The following TBC1D22A variants were observed in gnomAD, a reference collection of about 807,000 sequenced individuals.
TBC1D22A encodes TBC1 domain family member 22A, also known as putative GTPase activator.
A neutral mutation model predicts 60.2 loss-of-function variants in TBC1D22A; 38 were observed. The ratio of observed to expected loss-of-function variants is 0.63; its 90% confidence interval spans 0.49 to 0.83. The LOEUF (loss-of-function observed/expected upper bound fraction) is 0.83. Among genes scored for constraint, TBC1D22A ranks in the 40% least tolerant of loss-of-function variants. The probability of loss-of-function intolerance (pLI) is 0.00; values close to 1 mark genes in which losing one functional copy is unlikely to be tolerated. For synonymous variants in TBC1D22A, 302 were observed against 281.7 expected, an observed-to-expected ratio of 1.07 and a Z score of -0.72; for missense variants, 628 against 701.0, an observed-to-expected ratio of 0.90 and a Z score of 1.18.
At chr22:47,139,489 G>A (rs912927424) in intron 12 of TBC1D22A, among the ~76,000 whole-genome samples, 1 of 152,198 alleles carries the variant, frequency 6.6e-6, no homozygotes, top group Non-Finnish European at 1.5e-5. Flanking sequence ...AAGGGGCTCT[G>A]GTCTCCACCC....
intron 7 of TBC1D22A, among the ~76,000 whole-genome samples, chr22:46,903,494 C>T (rs575888349): frequency 6.6e-6 from 1 of 152,302 alleles, no homozygotes; most frequent in African/African-American, 2.4e-5. Flanking sequence ...TCCTGTTTCG[C>T]TTCAGTGGAC....
chr22:46,803,271 C>G lies in TBC1D22A; in HGVS notation c.637+5651C>G, dbSNP rs568372385. Among the ~76,000 whole-genome samples, 827 of 152,298 alleles carry G rather than the reference C, an allele frequency of 5.4e-3. 8 individuals are homozygous for G. Among genetic ancestry groups the G allele is most frequent in the African/African-American group, 0.018 (764 of 41,572 alleles). ...GTTAAACAGGCGGCTGCCCTCCAGC[C>G]CCACAGTGAGGGCAGAGCTGGCTGG... On this transcript the variant is annotated intron_variant, in intron 4 of 12. Coordinates refer to ENST00000337137, the MANE Select transcript of TBC1D22A (RefSeq NM_014346.5).
chr22:46,915,637 G>A, intron 8 of TBC1D22A: 1 of 456,648 alleles, frequency 2.2e-6, no homozygotes, highest in Non-Finnish European at 4.4e-6. Context: ...GTTAATCAAA[G>A]GTTTAAGAAA....
intron 10 of TBC1D22A, among the ~76,000 whole-genome samples, chr22:47,027,466 C>T (rs2062295583): frequency 6.6e-6 from 1 of 152,112 alleles, no homozygotes; most frequent in South Asian, 2.1e-4. Flanking sequence ...TTTCGGGGTC[C>T]TTTATCCTTC....
intron 12 of TBC1D22A, among the ~76,000 whole-genome samples, chr22:47,153,908 C>T (rs1430532148): frequency 2.0e-5 from 3 of 152,058 alleles, no homozygotes; most frequent in Non-Finnish European, 4.4e-5. Context: ...GTGGACAGAG[C>T]CTGTGGGAGG....
chr22:46,929,183 G>A (rs898688552), intron 8 of TBC1D22A, among the ~76,000 whole-genome samples: 3 of 152,168 alleles, frequency 2.0e-5, no homozygotes, highest in African/African-American at 7.2e-5. Context: ...GCTTCCTATC[G>A]ACAAACATTG....
At chr22:46,929,933 C>G (rs1246093718) in intron 8 of TBC1D22A, among the ~76,000 whole-genome samples, 1 of 152,136 alleles carries the variant, frequency 6.6e-6, no homozygotes, top group Non-Finnish European at 1.5e-5. Context: ...GTGTGGACCC[C>G]TTTGGGAGGC....
chr22:46,870,839 C>T (rs1054862327), intron 4 of TBC1D22A, among the ~76,000 whole-genome samples: 1 of 152,108 alleles, frequency 6.6e-6, no homozygotes, highest in African/African-American at 2.4e-5. Context: ...GACCTTAATC[C>T]AGTCATGAGG....
chr22:47,014,979 C>A (rs2061861940), intron 10 of TBC1D22A, among the ~76,000 whole-genome samples: 1 of 152,222 alleles, frequency 6.6e-6, no homozygotes, highest in African/African-American at 2.4e-5. Flanking sequence ...TGGCCCTGTC[C>A]TCCCTGGCAC....
intron 12 of TBC1D22A, among the ~76,000 whole-genome samples, chr22:47,145,960 G>A (rs991947928): frequency 1.3e-5 from 2 of 151,000 alleles, no homozygotes; most frequent in African/African-American, 2.4e-5. Flanking sequence ...TGGGGGCTGC[G>A]GCACGGGGAT....
chr22:46,956,049 G>A (rs2073170745), intron 8 of TBC1D22A, among the ~76,000 whole-genome samples: 1 of 151,922 alleles, frequency 6.6e-6, no homozygotes, highest in Non-Finnish European at 1.5e-5. Flanking sequence ...AAATGATCAG[G>A]GTATAAATAA....
At chr22:47,076,361 GTATATATA>G (rs769322904) in intron 11 of TBC1D22A, among the ~76,000 whole-genome samples, 12 of 101,938 alleles carry the variant, frequency 1.2e-4, no homozygotes, top group Admixed American at 3.3e-4. Context: ...ATATGTGTGT[GTATATATA>G]TATATATATA....
chr22:47,039,935 CTTTTTTTTTTTTTT>C (rs570751261), intron 11 of TBC1D22A, among the ~76,000 whole-genome samples: 4 of 77,284 alleles, frequency 5.2e-5, no homozygotes, highest in Non-Finnish European at 9.4e-5. Flanking sequence ...GTGCCACAGC[CTTTTTTTTTTTTTT>C]TTTTTTTTTT....
chr22:47,020,036 C>T (rs1035012923), intron 10 of TBC1D22A, among the ~76,000 whole-genome samples: 1 of 151,940 alleles, frequency 6.6e-6, no homozygotes, highest in Non-Finnish European at 1.5e-5. Context: ...CTTGATCCAT[C>T]CCCCCACCCA....
At chr22:46,968,713 A>G (rs192379702) in intron 8 of TBC1D22A, among the ~76,000 whole-genome samples, 164 of 152,288 alleles carry the variant, frequency 1.1e-3, no homozygotes, top group African/African-American at 3.8e-3. Flanking sequence ...TAGCCCATCC[A>G]TCCCACTGTT....
chr22:47,035,745 T>C (rs1010069722), intron 10 of TBC1D22A, among the ~76,000 whole-genome samples: 1 of 152,134 alleles, frequency 6.6e-6, no homozygotes, highest in Non-Finnish European at 1.5e-5. Context: ...GCCAGCTTAG[T>C]GGAGCCTGCT....
intron 11 of TBC1D22A, among the ~76,000 whole-genome samples, chr22:47,060,419 T>C (rs1044065329): frequency 5.3e-5 from 8 of 151,706 alleles, no homozygotes; most frequent in South Asian, 2.1e-4. Flanking sequence ...TTCGTTGTTT[T>C]TTGTTGTTGT....
chr22:46,861,856 C>G (rs1166968801), intron 4 of TBC1D22A, among the ~76,000 whole-genome samples: 1 of 152,260 alleles, frequency 6.6e-6, no homozygotes, highest in Non-Finnish European at 1.5e-5. Flanking sequence ...CAGTTTGACT[C>G]TGACTTTTCA....
intron 11 of TBC1D22A, among the ~76,000 whole-genome samples, chr22:47,048,850 C>T (rs1569386380): frequency 6.6e-6 from 1 of 152,220 alleles, no homozygotes; most frequent in Non-Finnish European, 1.5e-5. Context: ...TTGGACATCG[C>T]AGCCCCCATG....
Sources: gnomAD v4.1 joint callset for allele counts (sites outside exome capture counted in the v4.1 genomes callset) on GRCh38, gnomAD v4.1.1 for gene constraint, MANE v1.5 for transcripts, NCBI Gene and HGNC (gene_info 2026-07-23, HGNC 2026-07-21) for gene names.